The following THSD4 variants were observed in gnomAD, a reference collection of about 807,000 sequenced individuals.
The protein encoded by THSD4 is thrombospondin type-1 domain-containing protein 4.
Under a neutral mutation model 119.0 loss-of-function variants are expected in THSD4, and 69 were observed. The observed-to-expected ratio is 0.58, with a 90% CI of 0.48 to 0.71. THSD4 has a LOEUF of 0.71. THSD4 is among the 30% of genes least tolerant of loss of function. THSD4 has a pLI of 0.00. For missense variants in THSD4, 1,393 were observed against 1,391.1 expected (o/e 1.00, Z -0.02); for synonymous variants, 524 against 540.4 (o/e 0.97, Z 0.42).
intron 8 of THSD4, among the ~76,000 whole-genome samples, chr15:71,713,192 G>A (rs2052547853): frequency 6.6e-6 from 1 of 152,176 alleles, no homozygotes; most frequent in Non-Finnish European, 1.5e-5. Context: ...AACCCCATAT[G>A]CTCTGGTCCC....
intron 7 of THSD4, among the ~76,000 whole-genome samples, chr15:71,453,242 A>G (rs1265980590): frequency 2.0e-5 from 3 of 152,176 alleles, no homozygotes; most frequent in Non-Finnish European, 4.4e-5. Context: ...GTGGCAAGAC[A>G]TTGCCTCATG....
rs1242222833 is a variant in THSD4 at position 71,274,437 on chromosome 15, G to C, written c.1015+17722G>C. On this transcript the variant is annotated intron_variant, in intron 6 of 17. Coordinates refer to ENST00000261862, the MANE Select transcript of THSD4 (RefSeq NM_024817.3). ...CAAATGTGATGCTGGTGTAATTCAG[G>C]TTGACCAGTGTGTATTTACACAGGC... is the stretch of plus-strand genomic sequence containing the variant. Among the ~76,000 whole-genome samples, 3 of 152,146 alleles carry C rather than the reference G, an allele frequency of 2.0e-5. No homozygotes were observed. In the East Asian group the frequency reaches 5.8e-4, roughly 29 times the overall value.
At chr15:71,462,115 T>C (rs751084746) in intron 7 of THSD4, among the ~76,000 whole-genome samples, 1 of 152,164 alleles carries the variant, frequency 6.6e-6, no homozygotes, top group African/African-American at 2.4e-5. Context: ...TTCTTTTTTC[T>C]TTTTCATATT....
intron 7 of THSD4, among the ~76,000 whole-genome samples, chr15:71,660,030 GT>G (rs71799829): frequency 0.29 from 43,711 of 151,982 alleles, 6,956 homozygotes; most frequent in East Asian, 0.7. Context: ...ACAGTTACCA[GT>G]TAGAGGTTCA....
At chr15:71,567,328 A>G (rs2140892567) in intron 7 of THSD4, among the ~76,000 whole-genome samples, 1 of 152,212 alleles carries the variant, frequency 6.6e-6, no homozygotes, top group Non-Finnish European at 1.5e-5. Flanking sequence ...TGGTGAAAAC[A>G]CCAGCAGAGG....
intron 6 of THSD4, among the ~76,000 whole-genome samples, chr15:71,269,703 A>G (rs1197553449): frequency 1.3e-5 from 2 of 152,182 alleles, no homozygotes; most frequent in Non-Finnish European, 2.9e-5. Context: ...AGAAAACCCC[A>G]TCGTCTTAAC....
chr15:71,646,218 C>A (rs1287545879), intron 7 of THSD4, among the ~76,000 whole-genome samples: 1 of 152,148 alleles, frequency 6.6e-6, no homozygotes, highest in Non-Finnish European at 1.5e-5. Context: ...ATACCAGTTT[C>A]TTTTCTTTAT....
At chr15:71,588,124 G>A (rs1247689917) in intron 7 of THSD4, among the ~76,000 whole-genome samples, 5 of 151,800 alleles carry the variant, frequency 3.3e-5, no homozygotes, top group African/African-American at 1.2e-4. Flanking sequence ...GGCTAACATG[G>A]TGAAACCCCG....
chr15:71,120,671 C>A (rs1018867857), intron 1 of THSD4, among the ~76,000 whole-genome samples: 1 of 152,200 alleles, frequency 6.6e-6, no homozygotes, highest in Admixed American at 6.5e-5. Flanking sequence ...TAATCTCCTG[C>A]CAGGGGAAAT....
At chr15:71,596,056 T>C (rs1350847053) in intron 7 of THSD4, among the ~76,000 whole-genome samples, 1 of 152,240 alleles carries the variant, frequency 6.6e-6, no homozygotes, top group Non-Finnish European at 1.5e-5. Context: ...GTTTTGTTTG[T>C]TTTGAATTTT....
chr15:71,203,484 G>A lies in THSD4; in HGVS notation c.100-11551G>A, dbSNP rs112942315. 3.7e-3 allele frequency among the ~76,000 whole-genome samples: 525 copies of A among 140,290 alleles called. 6 individuals carry two copies. The highest frequency in any genetic ancestry group is 0.012 in the African/African-American group (490 of 41,126). 92.0% of individuals were successfully genotyped at this position (140,290 alleles called of 152,430 possible). On this transcript the variant is annotated intron_variant, in intron 3 of 17. Transcript: ENST00000261862. ...AGCCTGGCCAACATGATGAAACCTC[G>A]TCTCTACCAAAAATACAAAAAAAAA...
At chr15:71,734,282 G>A (rs1366614144) in intron 10 of THSD4, among the ~76,000 whole-genome samples, 1 of 152,132 alleles carries the variant, frequency 6.6e-6, no homozygotes, top group Admixed American at 6.5e-5. Flanking sequence ...TCAGTAGGTG[G>A]ATAGACAAAA....
intron 7 of THSD4, among the ~76,000 whole-genome samples, chr15:71,463,832 C>G (rs78187315): frequency 6.6e-6 from 1 of 152,330 alleles, no homozygotes; most frequent in Admixed American, 6.5e-5. Flanking sequence ...CTTTTAGCCT[C>G]ATTTGTCTAC....
intron 3 of THSD4, among the ~76,000 whole-genome samples, chr15:71,212,013 C>T (rs1201525425): frequency 6.6e-6 from 1 of 152,128 alleles, no homozygotes; most frequent in Non-Finnish European, 1.5e-5. Context: ...AACTCCTTGA[C>T]TATCAGAACA....
intron 7 of THSD4, among the ~76,000 whole-genome samples, chr15:71,521,244 C>T (rs2048436487): frequency 6.6e-6 from 1 of 152,134 alleles, no homozygotes; most frequent in Non-Finnish European, 1.5e-5. Context: ...GCTTACTTCC[C>T]CACTCTCCCT....
intron 3 of THSD4, among the ~76,000 whole-genome samples, chr15:71,159,850 C>T (rs1567141405): frequency 6.6e-6 from 1 of 152,026 alleles, no homozygotes; most frequent in Non-Finnish European, 1.5e-5. Context: ...GCATCCTTAC[C>T]TTGTTCCTGT....
At chr15:71,442,632 A>ATGTGTGTG (rs2047118298) in intron 7 of THSD4, among the ~76,000 whole-genome samples, 1 of 22,260 alleles carries the variant, frequency 4.5e-5, no homozygotes, top group Non-Finnish European at 9.6e-5. Flanking sequence ...ATATATATGT[A>ATGTGTGTG]TGTGTGTGTA....
intron 8 of THSD4, among the ~76,000 whole-genome samples, chr15:71,678,429 G>C (rs997466970): frequency 6.6e-6 from 1 of 152,122 alleles, no homozygotes; most frequent in Non-Finnish European, 1.5e-5. Flanking sequence ...TTCCTCGTGA[G>C]CATCAGAGCT....
At chr15:71,129,929 G>C (rs905994175) in intron 1 of THSD4, among the ~76,000 whole-genome samples, 1 of 152,218 alleles carries the variant, frequency 6.6e-6, no homozygotes, top group Non-Finnish European at 1.5e-5. Flanking sequence ...GTGGTTGGCT[G>C]ATTTATGGTG....
Sources: gnomAD v4.1 joint callset for allele counts (sites outside exome capture counted in the v4.1 genomes callset) on GRCh38, gnomAD v4.1.1 for gene constraint, MANE v1.5 for transcripts, NCBI Gene and HGNC (gene_info 2026-07-23, HGNC 2026-07-21) for gene names.